PIWIL2: variants seen among roughly 807,000 people sequenced by gnomAD.
The protein encoded by PIWIL2 is piwi-like protein 2.
In PIWIL2, 81 loss-of-function variants were observed where a neutral mutation model predicts 116.5. The ratio of observed to expected loss-of-function variants is 0.70; its 90% CI spans 0.58 to 0.84. PIWIL2 has a LOEUF of 0.84. Ranked by LOEUF, PIWIL2 falls within the 40% of genes least tolerant of loss-of-function variation. PIWIL2 has a pLI of 0.00. For missense variants in PIWIL2, 1,272 were observed against 1,212.3 expected (o/e 1.05, Z -0.73); for synonymous variants, 489 against 429.5 (o/e 1.14, Z -1.71).
chr8:22,324,829 C>T (rs1018888593), intron 20 of PIWIL2, among the ~76,000 whole-genome samples: 8 of 152,072 alleles, frequency 5.3e-5, no homozygotes, highest in South Asian at 2.1e-4. Context: ...CACACATAGA[C>T]GGAAAATAAT....
chr8:22,284,119 T>A, intron 5 of PIWIL2, 43 bp from the exon 6 acceptor site: 1 of 1,064,960 alleles, frequency 9.4e-7, no homozygotes. Flanking sequence ...TTTTGTTTTT[T>A]TGTTTTTGAT....
At chr8:22,317,699 G>A (rs189447468) in intron 19 of PIWIL2, among the ~76,000 whole-genome samples, 105 of 150,890 alleles carry the variant, frequency 7.0e-4, no homozygotes, top group Middle Eastern at 3.4e-3. Flanking sequence ...TCGCTCTGTC[G>A]CCCAGGCTGG....
At chr8:22,341,292 C>T (rs1832101741) in intron 20 of PIWIL2, among the ~76,000 whole-genome samples, 1 of 149,580 alleles carries the variant, frequency 6.7e-6, no homozygotes, top group Non-Finnish European at 1.5e-5. Context: ...GACACTCATT[C>T]ATGATTTAAA....
chr8:22,334,796 C>A (rs1831942479), intron 20 of PIWIL2, among the ~76,000 whole-genome samples: 1 of 152,046 alleles, frequency 6.6e-6, no homozygotes, highest in Non-Finnish European at 1.5e-5. Context: ...GTGGCTCACA[C>A]CTGTAATCCC....
rs956557934 is a variant in PIWIL2 at position 22,353,094 on chromosome 8, A to G, written c.2539A>G (p.Met847Val). Residue 847 changes from methionine (M) to valine (V), a missense_variant, in exon 21 of 23, where the codon ATG becomes GTG. Met to Val is a conservative substitution (Grantham distance 21). Coordinates refer to ENST00000356766, the MANE Select transcript of PIWIL2 (RefSeq NM_018068.5). Reference protein sequence around the residue: ...FEAFENYQPKMVVFVVQKKIS... With the variant: ...FEAFENYQPKVVVFVVQKKIS... ...AGCTTTTGAGAATTATCAGCCCAAG[A>G]TGGTGGTGTTTGTAGTTCAGAAGAA... 1.9e-6 allele frequency: 3 copies of G among 1,614,186 alleles called. No individual in the cohort carries two copies. Among genetic ancestry groups the G allele is most frequent in the African/African-American group, 1.3e-5 (1 of 75,058 alleles).
At chr8:22,279,951 C>A (rs911007049) in intron 2 of PIWIL2, among the ~76,000 whole-genome samples, 2 of 152,100 alleles carry the variant, frequency 1.3e-5, no homozygotes, top group Non-Finnish European at 2.9e-5. Context: ...AGCGAGACTC[C>A]ATCTCAAACA....
intron 6 of PIWIL2, 132 bp from the exon 7 acceptor site, chr8:22,287,396 G>T (rs1358520228): frequency 1.4e-6 from 1 of 700,868 alleles, no homozygotes; most frequent in Non-Finnish European, 2.6e-6. Context: ...AAAGTTCTAG[G>T]CAGATAGATA....
chr8:22,287,551 T>G lies in PIWIL2; in HGVS notation c.767T>G (p.Met256Arg). 1 of 1,613,272 alleles carries G rather than the reference T, an allele frequency of 6.2e-7. No individual in the cohort carries two copies. Among genetic ancestry groups the G allele is most frequent in the Non-Finnish European group, 8.5e-7 (1 of 1,179,174 alleles). ...AGCCCCAATGTGGAGTGCAAAAGCA[T>G]GAGGTTCGGCATGTTGAAGGACCAT... is the stretch of plus-strand genomic sequence containing the variant. ...TFSPNVECKS[M>R]RFGMLKDHQA... The change falls in exon 7 of 23, where the codon ATG (methionine) becomes AGG (arginine). Residue 256 changes from methionine to arginine, a missense_variant. Transcript: ENST00000356766.
At chr8:22,331,432 T>C (rs1831860049) in intron 20 of PIWIL2, among the ~76,000 whole-genome samples, 1 of 152,136 alleles carries the variant, frequency 6.6e-6, no homozygotes. Context: ...CAGTGAGCCA[T>C]GATCGCATTA....
intron 21 of PIWIL2, 139 bp downstream of exon 21, chr8:22,353,351 T>G: frequency 1.3e-6 from 1 of 778,164 alleles, no homozygotes; most frequent in Admixed American, 2.6e-5. Flanking sequence ...GAATGAAGGT[T>G]TAAAAAATAT....
At chr8:22,330,470 G>C (rs1332133920) in intron 20 of PIWIL2, among the ~76,000 whole-genome samples, 2 of 151,916 alleles carry the variant, frequency 1.3e-5, no homozygotes, top group Non-Finnish European at 2.9e-5. Flanking sequence ...AGGCCGAGGC[G>C]GGTGGATCAC....
intron 2 of PIWIL2, 21 bp downstream of exon 2, chr8:22,279,605 A>G (rs769763786): frequency 1.2e-6 from 2 of 1,603,424 alleles, no homozygotes; most frequent in South Asian, 1.1e-5. Context: ...TTCCGGATGC[A>G]TAGGAGTGGC....
intron 10 of PIWIL2, among the ~76,000 whole-genome samples, chr8:22,294,613 C>CCTG (rs1291570302): frequency 1.4e-5 from 2 of 138,474 alleles, no homozygotes; most frequent in African/African-American, 5.5e-5. Context: ...TGCACTCCAG[C>CCTG]CTGGGCGACA....
intron 19 of PIWIL2, 74 bp from the exon 20 acceptor site, chr8:22,318,096 A>G (rs980143220): frequency 6.8e-6 from 6 of 878,760 alleles, no homozygotes; most frequent in South Asian, 1.4e-5. Context: ...TGTTACTGAC[A>G]TAAGCCATAG....
rs765845583 is a variant in PIWIL2 at position 22,283,022 on chromosome 8, T to C, written c.426-12T>C. ...TAAAAAACCCTGATTTGCCTCTCTC[T>C]CCACATTTCAGGACGCTTGGAAGAG... On this transcript the variant is annotated splice_polypyrimidine_tract_variant and intron_variant, in intron 4 of 22. Coordinates refer to ENST00000356766, the MANE Select transcript of PIWIL2 (RefSeq NM_018068.5). 4.2e-5 allele frequency: 67 copies of C among 1,609,880 alleles called. No homozygotes were observed. The Admixed American group carries it at 1.1e-3, about 27-fold the overall frequency.
intron 19 of PIWIL2, among the ~76,000 whole-genome samples, chr8:22,317,241 A>T (rs1831481877): frequency 6.6e-6 from 1 of 152,322 alleles, no homozygotes; most frequent in Non-Finnish European, 1.5e-5. Context: ...AGCCATGCTC[A>T]TCCCAAATAT....
At chr8:22,279,755 C>T (rs918492367) in intron 2 of PIWIL2, among the ~76,000 whole-genome samples, 171 bp downstream of exon 2, 1 of 152,192 alleles carries the variant, frequency 6.6e-6, no homozygotes, top group Non-Finnish European at 1.5e-5. Context: ...GAGTTCAAGA[C>T]CAGCCTGGCC....
chr8:22,312,145 T>C (rs1354460856), intron 16 of PIWIL2, among the ~76,000 whole-genome samples: 1 of 151,746 alleles, frequency 6.6e-6, no homozygotes, highest in African/African-American at 2.4e-5. Context: ...GCACCTGTAG[T>C]ACCAGCTACT....
intron 20 of PIWIL2, among the ~76,000 whole-genome samples, chr8:22,345,198 AAATC>A (rs1405014304): frequency 2.6e-5 from 4 of 152,220 alleles, no homozygotes; most frequent in Admixed American, 2.0e-4. Flanking sequence ...AATAAAATAA[AAATC>A]AAAGTTAAAC....
Sources: allele counts gnomAD v4.1 joint callset (sites outside exome capture counted in the v4.1 genomes callset), GRCh38; gene constraint gnomAD v4.1.1; transcripts MANE v1.5; gene names NCBI Gene and HGNC (gene_info 2026-07-23, HGNC 2026-07-21).